Variants in DOCK9 observed in about 807,000 individuals in gnomAD.
DOCK9 encodes the protein dedicator of cytokinesis protein 9.
A neutral mutation model predicts 263.3 loss-of-function variants in DOCK9; 89 were observed. The ratio of observed to expected loss-of-function variants is 0.34; its 90% CI spans 0.28 to 0.40. DOCK9 has a LOEUF of 0.40. Ranked by LOEUF, DOCK9 falls within the 10% of genes least tolerant of loss-of-function variation. The pLI is 1.00. For missense variants in DOCK9, 2,140 were observed against 2,603.4 expected (o/e 0.82, Z 3.87); for synonymous variants, 976 against 973.1 (o/e 1.00, Z -0.06).
At chr13:98,990,908 C>A (rs1419001297) in intron 1 of DOCK9, among the ~76,000 whole-genome samples, 3 of 152,132 alleles carry the variant, frequency 2.0e-5, no homozygotes, top group African/African-American at 7.2e-5. Context: ...ACTCATTAAT[C>A]CATTCATTAA....
At chr13:98,951,171 A>G (rs1483495023) in intron 2 of DOCK9, among the ~76,000 whole-genome samples, 3 of 152,208 alleles carry the variant, frequency 2.0e-5, no homozygotes, top group Non-Finnish European at 4.4e-5. Flanking sequence ...ACAAAACAAT[A>G]AGAAAAATAA....
chr13:98,846,910 G>C, intron 37 of DOCK9: 1 of 304,326 alleles, frequency 3.3e-6, no homozygotes, highest in Non-Finnish European at 6.4e-6. Flanking sequence ...TTTTTGTATA[G>C]AGCAGAGCAT....
intron 43 of DOCK9, 95 bp from the exon 44 acceptor site, chr13:98,826,982 T>C (rs1480650925): frequency 1.0e-5 from 9 of 897,168 alleles, no homozygotes; most frequent in East Asian, 8.1e-5. Context: ...TATGAACGTA[T>C]ATATTAGATC....
chr13:98,903,359 C>T (rs1205631880), intron 10 of DOCK9, among the ~76,000 whole-genome samples: 1 of 151,906 alleles, frequency 6.6e-6, no homozygotes, highest in East Asian at 1.9e-4. Context: ...TTTGGGAGGC[C>T]GAGGCTGGCG....
chr13:98,942,923 T>C, intron 2 of DOCK9, among the ~76,000 whole-genome samples: 1 of 152,254 alleles, frequency 6.6e-6, no homozygotes, highest in East Asian at 1.9e-4. Flanking sequence ...TATAATTTGA[T>C]GGGACCACCA....
chr13:98,810,019 G>T, intron 46 of DOCK9, 150 bp downstream of exon 46: 1 of 1,124,178 alleles, frequency 8.9e-7, no homozygotes. Context: ...ATGATGACTG[G>T]CCACCACCTT....
intron 1 of DOCK9, among the ~76,000 whole-genome samples, chr13:98,993,271 G>A (rs530834042): frequency 6.6e-4 from 101 of 152,242 alleles, no homozygotes; most frequent in Admixed American, 4.6e-3. Flanking sequence ...TGATCATTAC[G>A]GACCCCGTAT....
At chr13:98,805,398 C>T (rs1360138953) in intron 48 of DOCK9, among the ~76,000 whole-genome samples, 189 bp from the exon 49 acceptor site, 1 of 152,178 alleles carries the variant, frequency 6.6e-6, no homozygotes, top group Non-Finnish European at 1.5e-5. Flanking sequence ...AATATACATA[C>T]ACATACACTT....
At chr13:98,886,705 G>T (rs1000091243) in intron 18 of DOCK9, 81 bp from the exon 19 acceptor site, 9 of 1,296,936 alleles carry the variant, frequency 6.9e-6, no homozygotes, top group Non-Finnish European at 9.9e-6. Context: ...AAAGGAGGAG[G>T]CATTCCTACG....
At position 98,845,970 on chromosome 13, in the gene DOCK9, T is replaced by C; in HGVS notation, c.4152A>G (p.Arg1384=). 7 of 1,613,288 alleles carry C rather than the reference T, an allele frequency of 4.3e-6. No individual in the cohort carries two copies. The highest frequency in any genetic ancestry group is 5.9e-6 in the Non-Finnish European group (7 of 1,179,648). ...TATCCAGGCTGCCCAGCTGCTGCAA[T>C]CTGGCATGCATCATTCCTGTTCTGT... ...SRNRTGMMHA[R]LQQLGSLDNS... Residue 1384 remains arginine, a synonymous_variant, in exon 38 of 53, where the codon AGA becomes AGG. Coordinates refer to ENST00000682017, the MANE Select transcript of DOCK9 (RefSeq NM_001366683.2).
intron 27 of DOCK9, chr13:98,871,931 C>G (rs899428101): frequency 6.5e-6 from 1 of 153,110 alleles, no homozygotes; most frequent in Non-Finnish European, 1.5e-5. Flanking sequence ...CGCCTACCAA[C>G]TGACTCCTCG....
At chr13:98,960,131 G>A (rs2058476243) in intron 1 of DOCK9, among the ~76,000 whole-genome samples, 1 of 152,196 alleles carries the variant, frequency 6.6e-6, no homozygotes, top group African/African-American at 2.4e-5. Context: ...TGGTTTTAAA[G>A]CTATCGCAAC....
chr13:99,021,886 G>A (rs1434150445), intron 1 of DOCK9, among the ~76,000 whole-genome samples: 1 of 151,852 alleles, frequency 6.6e-6, no homozygotes, highest in Non-Finnish European at 1.5e-5. Flanking sequence ...CCTAGATGAC[G>A]GGTTGATAGG....
intron 1 of DOCK9, among the ~76,000 whole-genome samples, chr13:99,085,982 G>A (rs1025823605): frequency 6.6e-6 from 1 of 152,160 alleles, no homozygotes; most frequent in Non-Finnish European, 1.5e-5. Flanking sequence ...CAGGAGGAAG[G>A]GGACAGCGAT....
chr13:98,988,689 A>G (rs1221402275), intron 1 of DOCK9, among the ~76,000 whole-genome samples: 2 of 152,252 alleles, frequency 1.3e-5, no homozygotes, highest in Non-Finnish European at 2.9e-5. Flanking sequence ...TCTTTAGAAG[A>G]TAAGTAATAC....
chr13:99,041,924 T>C (rs1020645595), intron 1 of DOCK9, among the ~76,000 whole-genome samples: 2 of 152,216 alleles, frequency 1.3e-5, no homozygotes, highest in African/African-American at 4.8e-5. Context: ...ATTCTCTCCT[T>C]AAGTCCCCAG....
At chr13:99,065,638 G>C (rs898733926) in intron 1 of DOCK9, among the ~76,000 whole-genome samples, 4 of 152,126 alleles carry the variant, frequency 2.6e-5, no homozygotes, top group South Asian at 2.1e-4. Flanking sequence ...AGAATAATTT[G>C]TATCTCTCAC....
chr13:98,912,956 A>C (rs1271334647), intron 9 of DOCK9, among the ~76,000 whole-genome samples: 1 of 152,246 alleles, frequency 6.6e-6, no homozygotes, highest in Non-Finnish European at 1.5e-5. Context: ...CTCAATGCAA[A>C]ATATGATACA....
At chr13:98,833,621 G>T (rs2092858800) in intron 39 of DOCK9, among the ~76,000 whole-genome samples, 1 of 152,100 alleles carries the variant, frequency 6.6e-6, no homozygotes, top group Non-Finnish European at 1.5e-5. Flanking sequence ...TGGAGTTAAA[G>T]CTCATTTACA....
Sources: allele counts gnomAD v4.1 joint callset (sites outside exome capture counted in the v4.1 genomes callset), GRCh38; gene constraint gnomAD v4.1.1; transcripts MANE v1.5; gene names NCBI Gene and HGNC (gene_info 2026-07-23, HGNC 2026-07-21).